Variants in ANGPT1 observed in about 807,000 individuals in gnomAD.
The protein encoded by ANGPT1 is angiopoietin 1.
A neutral mutation model predicts 62.2 loss-of-function variants in ANGPT1; 17 were observed. The ratio of observed to expected loss-of-function variants is 0.27; its 90% CI spans 0.19 to 0.41. The LOEUF (loss-of-function observed/expected upper bound fraction) is 0.41. Ranked by LOEUF, ANGPT1 falls within the 10% of genes least tolerant of loss-of-function variation. The probability of loss-of-function intolerance (pLI) is 1.00; values close to 1 mark genes in which losing one functional copy is unlikely to be tolerated. For missense variants in ANGPT1, 478 were observed against 594.9 expected (o/e 0.80, Z 2.04); for synonymous variants, 199 against 198.9 (o/e 1.00, Z 0.00).
chr8:107,392,277 T>G (rs1267671185), intron 1 of ANGPT1, among the ~76,000 whole-genome samples: 2 of 152,204 alleles, frequency 1.3e-5, no homozygotes, highest in African/African-American at 4.8e-5. Context: ...GACAAATTTC[T>G]TTTCACAATA....
At chr8:107,282,815 G>A (rs1275851691) in intron 7 of ANGPT1, among the ~76,000 whole-genome samples, 3 of 151,760 alleles carry the variant, frequency 2.0e-5, no homozygotes, top group African/African-American at 7.3e-5. Flanking sequence ...TCAAAGAAAT[G>A]AGAAATGCTC....
At chr8:107,455,213 T>A (rs949403897) in intron 1 of ANGPT1, among the ~76,000 whole-genome samples, 1 of 152,058 alleles carries the variant, frequency 6.6e-6, no homozygotes, top group African/African-American at 2.4e-5. Flanking sequence ...GTGATCTCCA[T>A]GTGAATAGCT....
intron 1 of ANGPT1, among the ~76,000 whole-genome samples, chr8:107,365,036 G>T (rs1388276461): frequency 6.6e-6 from 1 of 152,116 alleles, no homozygotes; most frequent in Non-Finnish European, 1.5e-5. Flanking sequence ...TTCAAGGAAT[G>T]AAGCATAGAA....
chr8:107,266,835 C>A (rs1392871228), intron 7 of ANGPT1, among the ~76,000 whole-genome samples: 1 of 152,014 alleles, frequency 6.6e-6, no homozygotes, highest in Non-Finnish European at 1.5e-5. Context: ...TATACTTTTA[C>A]CCTTTCACAT....
intron 1 of ANGPT1, among the ~76,000 whole-genome samples, chr8:107,432,465 C>T (rs113007911): frequency 6.6e-6 from 1 of 152,228 alleles, no homozygotes; most frequent in Non-Finnish European, 1.5e-5. Context: ...GAGATCGAGA[C>T]CATCCTGGCT....
chr8:107,285,711 G>A (rs1022861157), intron 6 of ANGPT1, among the ~76,000 whole-genome samples: 8 of 151,976 alleles, frequency 5.3e-5, no homozygotes, highest in African/African-American at 1.9e-4. Flanking sequence ...GTTAGTGATA[G>A]GAAAAGAAAG....
At chr8:107,384,929 T>C (rs1361356408) in intron 1 of ANGPT1, among the ~76,000 whole-genome samples, 1 of 152,144 alleles carries the variant, frequency 6.6e-6, no homozygotes, top group East Asian at 1.9e-4. Flanking sequence ...CAGATGGTTG[T>C]AGGTGTGTGG....
intron 5 of ANGPT1, among the ~76,000 whole-genome samples, chr8:107,299,973 T>TTATATCTAGATATCTAGATATAACTA (rs957095969): frequency 1.5e-5 from 2 of 134,496 alleles, no homozygotes; most frequent in Non-Finnish European, 3.1e-5. Context: ...TATATACTAG[T>TTATATCTAGATATCTAGATATAACTA]TATATCTAGA....
intron 1 of ANGPT1, among the ~76,000 whole-genome samples, chr8:107,444,163 C>T (rs1251349518): frequency 6.6e-6 from 1 of 152,100 alleles, no homozygotes; most frequent in African/African-American, 2.4e-5. Context: ...TGCTTAATGC[C>T]AAACAAAACC....
In ANGPT1 at chr8:107,422,206, A is replaced by C. The variant is rs141314490; in HGVS notation, c.297+75056T>G. 7.2e-3 allele frequency among the ~76,000 whole-genome samples: 1,101 copies of C among 152,304 alleles called. 17 individuals are homozygous for C. Among genetic ancestry groups the C allele is most frequent in the African/African-American group, 0.026 (1,060 of 41,564 alleles). ...TCAGCTTCCTACACTAATTACAGGA[A>C]CTGCTACAATGTATTATGCAGTTAC... On this transcript the variant is annotated intron_variant, in intron 1 of 8. Transcript: ENST00000517746.
chr8:107,477,069 A>G (rs1812553360), intron 1 of ANGPT1, among the ~76,000 whole-genome samples: 1 of 152,114 alleles, frequency 6.6e-6, no homozygotes, highest in South Asian at 2.1e-4. Context: ...TTGTTTCACT[A>G]CTACTACTGT....
At chr8:107,254,042 A>G (rs2129986088) in intron 8 of ANGPT1, among the ~76,000 whole-genome samples, 1 of 152,278 alleles carries the variant, frequency 6.6e-6, no homozygotes, top group Non-Finnish European at 1.5e-5. Context: ...AAAACAATGG[A>G]AAGCCATGGT....
intron 7 of ANGPT1, among the ~76,000 whole-genome samples, chr8:107,270,455 C>T (rs1436559994): frequency 6.6e-6 from 1 of 152,042 alleles, no homozygotes; most frequent in Admixed American, 6.6e-5. Flanking sequence ...GGTTCTCTTT[C>T]AGAGGCTGGT....
At chr8:107,321,338 T>C (rs974252887) in intron 4 of ANGPT1, among the ~76,000 whole-genome samples, 1 of 152,140 alleles carries the variant, frequency 6.6e-6, no homozygotes, top group South Asian at 2.1e-4. Context: ...AAATCTATCC[T>C]GCACAGGACT....
At chr8:107,299,397 A>G (rs1468862870) in intron 5 of ANGPT1, among the ~76,000 whole-genome samples, 16 of 77,790 alleles carry the variant, frequency 2.1e-4, no homozygotes, top group Admixed American at 1.5e-3. Context: ...GAGTGTATAT[A>G]TATATATATA....
At chr8:107,345,487 T>C (rs1002197515) in intron 2 of ANGPT1, among the ~76,000 whole-genome samples, 1 of 152,116 alleles carries the variant, frequency 6.6e-6, no homozygotes, top group African/African-American at 2.4e-5. Context: ...CACAGTGTTT[T>C]AGGGGATAAA....
At position 107,252,550 on chromosome 8, in the gene ANGPT1, T is replaced by G. The variant is rs552315170; in HGVS notation, c.1337-535A>C. ...GCTGCTTCTAAAATTAATTGGATAC[T>G]GTGCAATGACTATGATGCTCAAAAG... On this transcript the variant is annotated intron_variant, in intron 8 of 8. Coordinates refer to ENST00000517746, the MANE Select transcript of ANGPT1 (RefSeq NM_001146.5). Among the ~76,000 whole-genome samples, 60 of 152,310 alleles carry G rather than the reference T, an allele frequency of 3.9e-4. 2 individuals are homozygous for G. The highest frequency in any genetic ancestry group is 6.8e-3 in the Middle Eastern group (2 of 292).
chr8:107,269,002 GAC>G (rs1261979549), intron 7 of ANGPT1, among the ~76,000 whole-genome samples: 1 of 152,052 alleles, frequency 6.6e-6, no homozygotes, highest in African/African-American at 2.4e-5. Context: ...CTAAGGAAGA[GAC>G]ACACAGTCTC....
In ANGPT1 at chr8:107,249,622, A is replaced by G. The variant is rs886756465; in HGVS notation, c.*2233T>C. ...TATTCTGAAACAATTAAAAGAATAC[A>G]CATGTTAAATTGCCATAAACATGTA... On this transcript the variant is annotated 3_prime_UTR_variant, in exon 9 of 9. Coordinates refer to ENST00000517746, the MANE Select transcript of ANGPT1 (RefSeq NM_001146.5). 1 of 152,228 alleles carries G rather than the reference A, an allele frequency of 6.6e-6. No individual in the cohort carries two copies. The highest frequency in any genetic ancestry group is 2.4e-5 in the African/African-American group (1 of 41,480). 9.4% of individuals were successfully genotyped at this position (152,228 alleles called of 1,614,324 possible). A position where few individuals can be genotyped will look rare whatever the true frequency, so the allele number is the denominator to read the frequency against.
Sources: allele counts gnomAD v4.1 joint callset (sites outside exome capture counted in the v4.1 genomes callset), GRCh38; gene constraint gnomAD v4.1.1; transcripts MANE v1.5; gene names NCBI Gene and HGNC (gene_info 2026-07-23, HGNC 2026-07-21).